MLLT3: variants seen among roughly 807,000 people sequenced by gnomAD.
MLLT3 encodes MLLT3 super elongation complex subunit.
MLLT3 carries 4 observed loss-of-function variants against 53.2 expected under a neutral mutation model. The observed-to-expected ratio is 0.08, with a 90% CI of 0.04 to 0.17. MLLT3 has a LOEUF of 0.17. MLLT3 is among the 10% of genes least tolerant of loss of function. MLLT3 has a pLI of 1.00. For synonymous variants in MLLT3, 283 were observed against 230.6 expected (o/e 1.23, Z -2.06); for missense variants, 569 against 684.0 (o/e 0.83, Z 1.87).
chr9:20,476,359 G>A (rs1824521136), intron 2 of MLLT3, among the ~76,000 whole-genome samples: 1 of 152,070 alleles, frequency 6.6e-6, no homozygotes, highest in African/African-American at 2.4e-5. Flanking sequence ...GAGACCCTGA[G>A]ACAGCAACTT....
At chr9:20,504,190 G>GTATA (rs1316341159) in intron 2 of MLLT3, among the ~76,000 whole-genome samples, 1 of 152,020 alleles carries the variant, frequency 6.6e-6, no homozygotes, top group African/African-American at 2.4e-5. Context: ...CCAAAACTGT[G>GTATA]TATACATCCA....
intron 9 of MLLT3, 147 bp from the exon 10 acceptor site, chr9:20,353,743 C>G (rs368862618): frequency 6.0e-6 from 4 of 666,420 alleles, no homozygotes; most frequent in Non-Finnish European, 1.1e-5. Flanking sequence ...CACTCAGTGC[C>G]CAAAGGCCTC....
chr9:20,457,540 T>C (rs1312739439), intron 2 of MLLT3, among the ~76,000 whole-genome samples: 1 of 152,090 alleles, frequency 6.6e-6, no homozygotes, highest in African/African-American at 2.4e-5. Flanking sequence ...TGACCCACCA[T>C]GCCTGGCCTA....
Position 20,620,766 on chromosome 9 carries a change from G to A in MLLT3, c.81C>T (p.Gly27=). ...CGAACACCATCCAGTCGTGGGTGAA[G>A]CCCTCCACGGTGGGTTTTTTCCTCA... ...AQVRKKPTVE[G]FTHDWMVFVR... is the part of the protein sequence containing the mutation. The change falls in exon 2 of 11, where the codon GGC becomes GGT. Residue 27 remains glycine (G), a synonymous_variant. Transcript: ENST00000380338. The surrounding 1 kb of genome is among the most constrained non-coding windows in gnomAD (Gnocchi z 6.1). 6.2e-7 allele frequency: 1 copy of A among 1,614,194 alleles called. No individual in the cohort carries two copies. Among genetic ancestry groups the A allele is most frequent in the Non-Finnish European group, 8.5e-7 (1 of 1,180,020 alleles).
intron 5 of MLLT3, among the ~76,000 whole-genome samples, chr9:20,381,478 T>C (rs1821906879): frequency 6.6e-6 from 1 of 151,924 alleles, no homozygotes; most frequent in South Asian, 2.1e-4. Flanking sequence ...TCTGAACAAA[T>C]GCTGTGTTCT....
At chr9:20,370,004 T>C (rs557167636) in intron 5 of MLLT3, among the ~76,000 whole-genome samples, 7 of 152,188 alleles carry the variant, frequency 4.6e-5, no homozygotes. Context: ...GTTTGTAAAA[T>C]ATCAAAATTC....
chr9:20,569,503 C>T (rs1819472349), intron 2 of MLLT3, among the ~76,000 whole-genome samples: 2 of 152,130 alleles, frequency 1.3e-5, no homozygotes, highest in Admixed American at 1.3e-4. Context: ...ACCAAGATGT[C>T]CCAAGACTTT....
rs539303962 is a variant in MLLT3 at position 20,453,248 on chromosome 9, A to G, written c.276+3456T>C. 4.6e-5 allele frequency among the ~76,000 whole-genome samples: 7 copies of G among 152,254 alleles called. 1 individual carries two copies. The highest frequency in any genetic ancestry group is 1.7e-4 in the African/African-American group (7 of 41,550). Reference sequence around the variant, plus strand: ...GATTAAACAGATAACACTTCCAGAGATATGCTTTATCTTTTAAAGAAATAA... The same window carrying G: ...GATTAAACAGATAACACTTCCAGAGGTATGCTTTATCTTTTAAAGAAATAA... On this transcript the variant is annotated intron_variant, in intron 3 of 10. Transcript: ENST00000380338.
intron 4 of MLLT3, among the ~76,000 whole-genome samples, chr9:20,415,177 T>C (rs559448448): frequency 6.6e-6 from 1 of 152,274 alleles, no homozygotes; most frequent in African/African-American, 2.4e-5. Context: ...TTATGCTGTA[T>C]AAAATTTCAT....
intron 2 of MLLT3, among the ~76,000 whole-genome samples, chr9:20,464,592 T>C (rs1824189279): frequency 6.6e-6 from 1 of 152,132 alleles, no homozygotes; most frequent in African/African-American, 2.4e-5. Flanking sequence ...GAATAGGAGC[T>C]CTTTTTTATT....
At chr9:20,486,706 C>T (rs1824823833) in intron 2 of MLLT3, among the ~76,000 whole-genome samples, 1 of 152,172 alleles carries the variant, frequency 6.6e-6, no homozygotes, top group African/African-American at 2.4e-5. Flanking sequence ...TCTCCAAGGG[C>T]CAGCTCTTGG....
At chr9:20,495,301 A>C (rs2118929112) in intron 2 of MLLT3, among the ~76,000 whole-genome samples, 1 of 152,260 alleles carries the variant, frequency 6.6e-6, no homozygotes, top group South Asian at 2.1e-4. Flanking sequence ...GGAACTACAA[A>C]ATCTCAGACT....
chr9:20,482,513 G>A (rs573283634), intron 2 of MLLT3, among the ~76,000 whole-genome samples: 60 of 152,206 alleles, frequency 3.9e-4, no homozygotes, highest in Non-Finnish European at 7.2e-4. Flanking sequence ...CTAGAATGGC[G>A]AGTAAAATCA....
intron 2 of MLLT3, among the ~76,000 whole-genome samples, chr9:20,589,262 G>T (rs1308400028): frequency 2.0e-5 from 3 of 151,862 alleles, no homozygotes; most frequent in South Asian, 2.1e-4. Flanking sequence ...GCCATAAAAA[G>T]GATGAGTTCA....
At chr9:20,586,244 C>G (rs1819957170) in intron 2 of MLLT3, among the ~76,000 whole-genome samples, 1 of 151,824 alleles carries the variant, frequency 6.6e-6, no homozygotes, top group African/African-American at 2.4e-5. Context: ...TGTTTGAGCC[C>G]AGATGGTCAA....
chr9:20,561,101 T>C (rs1232668605), intron 2 of MLLT3, among the ~76,000 whole-genome samples: 1 of 152,188 alleles, frequency 6.6e-6, no homozygotes, highest in Non-Finnish European at 1.5e-5. Flanking sequence ...TGCTGCCTCC[T>C]GTACTTTTCT....
chr9:20,569,011 T>C (rs1819456057), intron 2 of MLLT3, among the ~76,000 whole-genome samples: 2 of 152,158 alleles, frequency 1.3e-5, no homozygotes, highest in Non-Finnish European at 1.5e-5. Context: ...TTCATCTACT[T>C]CAAAAAATTC....
intron 4 of MLLT3, among the ~76,000 whole-genome samples, chr9:20,417,462 C>T (rs1483429941): frequency 6.6e-6 from 1 of 150,606 alleles, no homozygotes; most frequent in Non-Finnish European, 1.5e-5. Context: ...TAACCATTAA[C>T]CTCAACGTTA....
chr9:20,605,979 G>C (rs879307327), intron 2 of MLLT3, among the ~76,000 whole-genome samples: 4 of 152,076 alleles, frequency 2.6e-5, no homozygotes, highest in Admixed American at 2.6e-4. Context: ...TGGCTTACTG[G>C]TTTTAAAAAG....
Sources: gnomAD v4.1 joint callset for allele counts (sites outside exome capture counted in the v4.1 genomes callset) on GRCh38, gnomAD v4.1.1 for gene constraint, Gnocchi (gnomAD v3.1) non-coding constraint, MANE v1.5 for transcripts, NCBI Gene and HGNC (gene_info 2026-07-23, HGNC 2026-07-21) for gene names.